The following ZNF500 variants were observed in gnomAD, a reference collection of about 807,000 sequenced individuals.
The protein encoded by ZNF500 is zinc finger protein with KRAB and SCAN domains 18.
Under a neutral mutation model 30.1 loss-of-function variants are expected in ZNF500, and 31 were observed. That is an observed-to-expected ratio of 1.03 (90% CI 0.77 to 1.39). ZNF500 has a LOEUF of 1.39. Ranked by LOEUF, ZNF500 falls within the 40% of genes most tolerant of loss-of-function variation. The probability of loss-of-function intolerance (pLI) is 0.00; values close to 1 mark genes in which losing one functional copy is unlikely to be tolerated. For missense variants in ZNF500, 817 were observed against 657.8 expected (o/e 1.24, Z -2.65); for synonymous variants, 392 against 282.0 (o/e 1.39, Z -3.91).
downstream of ZNF500, chr16:4,746,290 G>C (rs371063233): frequency 1.4e-6 from 2 of 1,412,316 alleles, no homozygotes; most frequent in South Asian, 1.3e-5. Context: ...TGGCAGCCAC[G>C]AGCACTGTGA....
At chr16:4,747,555 G>C (rs1244345664), downstream of ZNF500, 2 of 1,612,180 alleles carry the variant, frequency 1.2e-6, no homozygotes, top group Non-Finnish European at 8.5e-7. Context: ...GGCAGGCCCA[G>C]AGCCCTGGGG....
rs751177825 is a variant in ZNF500 at position 4,752,589 on chromosome 16, G to A, written c.1230C>T (p.Ala410=). 1.0e-5 allele frequency: 16 copies of A among 1,589,424 alleles called. No individual in the cohort carries two copies. Among genetic ancestry groups the A allele is most frequent in the South Asian group, 1.1e-5 (1 of 88,878 alleles). Residue 410 remains alanine (A), a synonymous_variant, in exon 6 of 6, where the codon GCC becomes GCT. Coordinates refer to ENST00000219478, the MANE Select transcript of ZNF500 (RefSeq NM_021646.4). ...RRTHSGERPY[A]CTQCGKRFNN... ...TGAAGCGCTTCCCGCACTGGGTGCA[G>A]GCATAGGGCCGCTCCCCGCTGTGTG... is the stretch of plus-strand genomic sequence containing the variant.
intron 5 of ZNF500, chr16:4,758,434 C>G (rs537475857): frequency 6.6e-6 from 1 of 152,218 alleles, no homozygotes; most frequent in African/African-American, 2.4e-5. Context: ...CAAATTCTTT[C>G]CCTTTTGACT....
intron 5 of ZNF500, among the ~76,000 whole-genome samples, chr16:4,754,412 C>T (rs2082115330): frequency 1.3e-5 from 2 of 152,004 alleles, no homozygotes; most frequent in South Asian, 4.2e-4. Flanking sequence ...GTAATCCAAG[C>T]ACTTTGGGAG....
intron 5 of ZNF500, chr16:4,756,306 A>G (rs1335570191): frequency 6.6e-6 from 1 of 152,126 alleles, no homozygotes; most frequent in African/African-American, 2.4e-5. Flanking sequence ...CAACATGGTA[A>G]AATGCTGTCT....
chr16:4,754,269 C>CGAAT (rs2082113963), intron 5 of ZNF500, among the ~76,000 whole-genome samples: 1 of 152,130 alleles, frequency 6.6e-6, no homozygotes, highest in African/African-American at 2.4e-5. Flanking sequence ...ACCTCCTGGG[C>CGAAT]GAATCCTTCT....
At position 4,751,392 on chromosome 16, in the gene ZNF500, G is replaced by A. The variant is rs1230767123; in HGVS notation, c.*984C>T. 3.4e-6 allele frequency: 2 copies of A among 596,054 alleles called. No individual in the cohort carries two copies. The highest frequency in any genetic ancestry group is 2.9e-6 in the Non-Finnish European group (1 of 346,568). The allele number at this position is 596,054 out of a possible 1,614,324, so 36.9% of individuals were successfully genotyped here. On this transcript the variant is annotated 3_prime_UTR_variant, in exon 6 of 6. Coordinates refer to ENST00000219478, the MANE Select transcript of ZNF500 (RefSeq NM_021646.4). ...CAGCCCTGGGCCCCGGCCCTGGGGA[G>A]ATGTCAGGCCCGTCACATCCCAGGC...
At chr16:4,753,331 G>A (rs557450695) in intron 5 of ZNF500, 26 of 492,268 alleles carry the variant, frequency 5.3e-5, no homozygotes, top group Admixed American at 8.0e-5. Flanking sequence ...GCATGGTGGC[G>A]TGTGCCTGTA....
At chr16:4,760,740 G>T (rs2082189307) in intron 4 of ZNF500, 152 bp from the exon 5 acceptor site, 4 of 624,448 alleles carry the variant, frequency 6.4e-6, no homozygotes, top group Non-Finnish European at 1.1e-5. Flanking sequence ...TCGTTGCAGT[G>T]GTGAGTCCTG....
chr16:4,747,304 C>T (rs780162180), downstream of ZNF500: 5 of 1,521,540 alleles, frequency 3.3e-6, no homozygotes, highest in Admixed American at 2.1e-5. Flanking sequence ...AGGGGCGGCC[C>T]CCACGGGGTT....
chr16:4,746,086 T>G, downstream of ZNF500: 1 of 314,820 alleles, frequency 3.2e-6, no homozygotes, highest in African/African-American at 2.1e-5. Context: ...GTTTTATGCA[T>G]TGGATTTAAA....
At chr16:4,764,920 C>G (rs567936317) in intron 2 of ZNF500, among the ~76,000 whole-genome samples, 3 of 152,310 alleles carry the variant, frequency 2.0e-5, no homozygotes, top group South Asian at 4.1e-4. Context: ...GCCCCCCATG[C>G]CCCTGGTCTT....
rs111823509 is a variant in ZNF500 at position 4,750,508 on chromosome 16, TG to T, written c.*1867del. The T allele has an allele frequency of 0.56, 81,961 of 147,076 alleles. 23,297 individuals are homozygous for T. The highest frequency in any genetic ancestry group is 0.67 in the East Asian group (3,321 of 4,972). The allele number at this position is 147,076 out of a possible 1,614,324, so 9.1% of individuals were successfully genotyped here. Reference sequence around the variant, plus strand: ...ATGCCTGGCTAATTTTTTTTTTTTTTGTGTGGAGTCTCGTTCTATCACCAGG... The same window carrying T: ...ATGCCTGGCTAATTTTTTTTTTTTTTTGTGGAGTCTCGTTCTATCACCAGG... On this transcript the variant is annotated 3_prime_UTR_variant, in exon 6 of 6. Coordinates refer to ENST00000219478, the MANE Select transcript of ZNF500 (RefSeq NM_021646.4).
At chr16:4,760,426 G>C (rs550946200) in intron 5 of ZNF500, 66 bp downstream of exon 5, 3 of 1,489,248 alleles carry the variant, frequency 2.0e-6, no homozygotes, top group Non-Finnish European at 1.9e-6. Flanking sequence ...CCAAGCCCCG[G>C]AGCTGGTGCC....
downstream of ZNF500, among the ~76,000 whole-genome samples, chr16:4,744,683 C>G (rs537277378): frequency 2.0e-5 from 3 of 152,322 alleles, no homozygotes; most frequent in South Asian, 4.1e-4. Flanking sequence ...ATTCTGCCCC[C>G]CTCAGCCCTG....
In ZNF500 at chr16:4,752,888, G is replaced by T. The variant is rs758644021; in HGVS notation, c.931C>A (p.Pro311Thr). The change falls in exon 6 of 6, where the codon CCC (proline) becomes ACC (threonine). Residue 311 changes from proline (P) to threonine (T), a missense_variant. Physicochemically the swap from Pro to Thr is conservative, Grantham distance 38. Coordinates refer to ENST00000219478, the MANE Select transcript of ZNF500 (RefSeq NM_021646.4). ...LVRPDQPRGG[P>T]PPGRRASHGA... ...TGGGAAGCCCGTCTTCCTGGTGGGG[G>T]GCCGCCTCTTGGCTGATCAGGCCTG... The T allele has an allele frequency of 6.2e-7, 1 of 1,614,090 alleles. No homozygotes were observed. Among genetic ancestry groups the T allele is most frequent in the Non-Finnish European group, 8.5e-7 (1 of 1,180,042 alleles).
At position 4,761,713 on chromosome 16, in the gene ZNF500, G is replaced by A. The variant is rs545721465; in HGVS notation, c.663+558C>T. 4.3e-4 allele frequency among the ~76,000 whole-genome samples: 65 copies of A among 150,880 alleles called. 2 individuals carry two copies. The highest frequency in any genetic ancestry group is 2.9e-3 in the South Asian group (14 of 4,772). ...AAAAACAAAAAAAAAACAACTAGCC[G>A]GGTGTGGTGGTGCATGCCTGTAGTC... On this transcript the variant is annotated intron_variant, in intron 4 of 5. Transcript: ENST00000219478.
At chr16:4,757,778 T>G (rs963957835) in intron 5 of ZNF500, among the ~76,000 whole-genome samples, 3 of 151,330 alleles carry the variant, frequency 2.0e-5, no homozygotes, top group Non-Finnish European at 4.4e-5. Flanking sequence ...AATTTTTGTA[T>G]TTTTTAGGAG....
Position 4,766,075 on chromosome 16 carries a change from C to A in ZNF500, c.-97G>T, listed in dbSNP as rs1173375067. 3 of 1,413,216 alleles carry A rather than the reference C, an allele frequency of 2.1e-6. No homozygotes were observed. The highest frequency in any genetic ancestry group is 2.8e-6 in the Non-Finnish European group (3 of 1,067,104). The allele number at this position is 1,413,216 out of a possible 1,614,324, so 87.5% of individuals were successfully genotyped here. On this transcript the variant is annotated splice_region_variant and 5_prime_UTR_variant, in exon 2 of 6. Coordinates refer to ENST00000219478, the MANE Select transcript of ZNF500 (RefSeq NM_021646.4). ...CACAGGAAGAGAGTTTTTTTCAGGG[C>A]CCTGTGGAGAGACGATAAAACCATC...
Sources: gnomAD v4.1 joint callset for allele counts (sites outside exome capture counted in the v4.1 genomes callset) on GRCh38, gnomAD v4.1.1 for gene constraint, MANE v1.5 for transcripts, NCBI Gene and HGNC (gene_info 2026-07-23, HGNC 2026-07-21) for gene names.